ZNF469: variants seen among roughly 807,000 people sequenced by gnomAD.
ZNF469 encodes the protein zinc finger protein 469.
Under a neutral mutation model 1.0 loss-of-function variants are expected in ZNF469, and 1 was observed. That is an observed-to-expected ratio of 1.00 (90% CI 0.35 to 4.73). The LOEUF (loss-of-function observed/expected upper bound fraction) is 4.73. Among genes scored for constraint, ZNF469 ranks in the 30% most tolerant of loss-of-function variants. The pLI is 0.16. For synonymous variants in ZNF469, 2,703 were observed against 2,363.4 expected, an observed-to-expected ratio of 1.14 and a Z score of -4.17; for missense variants, 6,100 against 5,356.3, an observed-to-expected ratio of 1.14 and a Z score of -4.33.
upstream of ZNF469, among the ~76,000 whole-genome samples, chr16:88,381,316 A>G (rs1031188026): frequency 3.3e-5 from 5 of 149,668 alleles, no homozygotes; most frequent in African/African-American, 7.5e-5. Flanking sequence ...TCATGCACTC[A>G]CACACAGAGA....
chr16:88,406,829 G>C (rs1393226938), intron 1 of ZNF469, among the ~76,000 whole-genome samples: 1 of 152,158 alleles, frequency 6.6e-6, no homozygotes, highest in African/African-American at 2.4e-5. Flanking sequence ...CTTGGTTGGG[G>C]ATGACACAGG....
At chr16:88,310,486 A>G in the ZNF469 span, among the ~76,000 whole-genome samples, 1 of 152,000 alleles carries the variant, frequency 6.6e-6, no homozygotes, top group African/African-American at 2.4e-5. Flanking sequence ...CAAAAGTGAT[A>G]GCTGCACTTC....
At chr16:88,348,384 C>T in the ZNF469 span, among the ~76,000 whole-genome samples, 1 of 152,234 alleles carries the variant, frequency 6.6e-6, no homozygotes, top group South Asian at 2.1e-4. Context: ...CCCCACCCCA[C>T]TCCTGTGCGA....
Position 88,430,697 on chromosome 16 carries a change from C to T in ZNF469, c.3227C>T (p.Ala1076Val), listed in dbSNP as rs931218240. The T allele has an allele frequency of 4.0e-6, 6 of 1,483,268 alleles. No individual in the cohort carries two copies. Among genetic ancestry groups the T allele is most frequent in the East Asian group, 2.7e-5 (1 of 36,768 alleles). 91.9% of individuals were successfully genotyped at this position (1,483,268 alleles called of 1,614,324 possible). Residue 1076 changes from alanine to valine, a missense_variant, in exon 3 of 3, where the codon GCG (alanine) becomes GTG (valine). By Grantham distance (64) the Ala-to-Val change is moderately conservative. Transcript: ENST00000565624. Reference protein sequence around the residue: ...GRRAGRCGSLAAGRPRPGAED... With the variant: ...GRRAGRCGSLVAGRPRPGAED... The stretch of plus-strand genomic sequence containing the variant: ...CGGGCGGGCAGGTGCGGCTCCCTGG[C>T]GGCGGGGAGGCCCCGGCCCGGAGCT...
chr16:88,247,108 T>G, the ZNF469 span, among the ~76,000 whole-genome samples: 36,845 of 150,636 alleles, frequency 0.24, 4,678 homozygotes, highest in South Asian at 0.45. Flanking sequence ...AGTGAGTGAA[T>G]GATTGAATGA....
chr16:88,249,634 C>T, the ZNF469 span, among the ~76,000 whole-genome samples: 1 of 151,824 alleles, frequency 6.6e-6, no homozygotes, highest in Admixed American at 6.6e-5. Context: ...GACGGGATTT[C>T]ACCGTGTTAG....
At chr16:88,108,704 A>T in the ZNF469 span, among the ~76,000 whole-genome samples, 2 of 152,164 alleles carry the variant, frequency 1.3e-5, no homozygotes, top group South Asian at 2.1e-4. Flanking sequence ...ACCCTCTTTC[A>T]GGGCCTTGCC....
At chr16:88,273,343 C>T in the ZNF469 span, among the ~76,000 whole-genome samples, 1 of 151,616 alleles carries the variant, frequency 6.6e-6, no homozygotes, top group South Asian at 2.1e-4. Context: ...ATCCATCCAA[C>T]AAAGGATTTT....
the ZNF469 span, among the ~76,000 whole-genome samples, chr16:88,198,616 T>G: frequency 6.6e-6 from 1 of 152,192 alleles, no homozygotes; most frequent in Non-Finnish European, 1.5e-5. Flanking sequence ...CACCTGGCCT[T>G]GGCGAAGCAG....
At chr16:88,235,773 G>A in the ZNF469 span, among the ~76,000 whole-genome samples, 77 of 152,290 alleles carry the variant, frequency 5.1e-4, no homozygotes, top group Admixed American at 1.4e-3. Context: ...CAGATGTGAG[G>A]AGCGTGACCC....
At chr16:88,124,212 G>A in the ZNF469 span, among the ~76,000 whole-genome samples, 3 of 152,272 alleles carry the variant, frequency 2.0e-5, no homozygotes, top group East Asian at 5.8e-4. Context: ...TTTTCTCCCA[G>A]TCTGTGACTT....
chr16:88,121,119 G>T, the ZNF469 span, among the ~76,000 whole-genome samples: 8 of 144,328 alleles, frequency 5.5e-5, no homozygotes, highest in South Asian at 2.2e-4. Context: ...GGGATGGGGG[G>T]TCGGGAGGGG....
Position 88,432,927 on chromosome 16 carries a change from C to T in ZNF469, c.5457C>T (p.Ala1819=). 1 of 1,550,392 alleles carries T rather than the reference C, an allele frequency of 6.4e-7. No individual in the cohort carries two copies. The highest frequency in any genetic ancestry group is 8.7e-7 in the Non-Finnish European group (1 of 1,146,972). Residue 1819 remains alanine (A), a synonymous_variant, in exon 3 of 3, where the codon GCC becomes GCT. Coordinates refer to ENST00000565624, the MANE Select transcript of ZNF469 (RefSeq NM_001367624.2). The stretch of plus-strand genomic sequence containing the variant: ...GTGACGGGGCTCCACCTCTGGATGC[C>T]ACCTGGCCTTTTGGTGCCAGTCCCA... ...FQGDGAPPLD[A]TWPFGASPSH...
At chr16:88,282,662 C>T in the ZNF469 span, among the ~76,000 whole-genome samples, 8 of 152,142 alleles carry the variant, frequency 5.3e-5, no homozygotes, top group East Asian at 1.9e-4. Context: ...TCTGCTCAGC[C>T]GTTAAGCAGC....
chr16:88,429,704 C>T lies in ZNF469; in HGVS notation c.2234C>T (p.Ala745Val). The T allele has an allele frequency of 2.6e-6, 4 of 1,542,754 alleles. No individual in the cohort carries two copies. The highest frequency in any genetic ancestry group is 3.5e-6 in the Non-Finnish European group (4 of 1,142,180). Residue 745 changes from alanine (A) to valine (V), a missense_variant, in exon 3 of 3, where the codon GCC becomes GTC. By Grantham distance (64) the Ala-to-Val change is moderately conservative (BLOSUM62 0). Coordinates refer to ENST00000565624, the MANE Select transcript of ZNF469 (RefSeq NM_001367624.2). ...QCDRNYSSLA[A>V]FLAHRQFCGL... The stretch of plus-strand genomic sequence containing the variant: ...GACCGCAACTACAGCAGCCTGGCGG[C>T]CTTCCTGGCCCACCGGCAGTTCTGT...
the ZNF469 span, among the ~76,000 whole-genome samples, chr16:88,279,622 G>A: frequency 9.0e-6 from 1 of 111,156 alleles, no homozygotes; most frequent in Non-Finnish European, 1.9e-5. Flanking sequence ...GGTTAGTGCC[G>A]CGCCACACTG....
rs746875261 is a variant in ZNF469, at chr16:88,427,653, C to T, written c.183C>T (p.Pro61=). ...AGGQAQAMEL[P]EAQPRQARDG... is the part of the protein sequence containing the mutation. ...GCCAGGCCCAGGCCATGGAGCTCCC[C>T]GAGGCCCAGCCAAGGCAGGCCAGGG... is the stretch of plus-strand genomic sequence containing the variant. Residue 61 remains proline, a synonymous_variant, in exon 3 of 3, where the codon CCC becomes CCT. Transcript: ENST00000565624. The T allele has an allele frequency of 8.3e-5, 127 of 1,536,734 alleles. No individual in the cohort carries two copies. The highest frequency in any genetic ancestry group is 1.8e-4 in the South Asian group (15 of 83,932).
At chr16:88,349,601 TAC>T in the ZNF469 span, among the ~76,000 whole-genome samples, 2 of 109,008 alleles carry the variant, frequency 1.8e-5, no homozygotes, top group African/African-American at 7.5e-5. Context: ...ACCACACAAG[TAC>T]ACACACACAC....
chr16:88,214,698 C>G, the ZNF469 span, among the ~76,000 whole-genome samples: 2 of 152,140 alleles, frequency 1.3e-5, no homozygotes, highest in African/African-American at 2.4e-5. Context: ...GTTCCCCTCC[C>G]TGTGTCCATG....
Sources: allele counts gnomAD v4.1 joint callset (sites outside exome capture counted in the v4.1 genomes callset), GRCh38; gene constraint gnomAD v4.1.1; transcripts MANE v1.5; gene names NCBI Gene and HGNC (gene_info 2026-07-23, HGNC 2026-07-21).